Variants in ARL14EPL observed in about 807,000 individuals in gnomAD.
ARL14EPL encodes ARL14 effector protein-like.
In ARL14EPL, 17 loss-of-function variants were observed where a neutral mutation model predicts 15.9. The ratio of observed to expected loss-of-function variants is 1.07; its 90% confidence interval spans 0.73 to 1.60. The LOEUF is 1.60. Ranked by LOEUF, ARL14EPL falls within the 40% of genes most tolerant of loss-of-function variation. ARL14EPL has a pLI of 0.00. For missense variants in ARL14EPL, 214 were observed against 185.9 expected, an observed-to-expected ratio of 1.15 and a Z score of -0.88; for synonymous variants, 78 against 63.8, an observed-to-expected ratio of 1.22 and a Z score of -1.06.
chr5:116,053,460 G>C (rs1239779790), intron 2 of ARL14EPL, among the ~76,000 whole-genome samples: 1 of 152,016 alleles, frequency 6.6e-6, no homozygotes, highest in East Asian at 1.9e-4. Context: ...GTTCCAATCT[G>C]GCTTTGACTG....
At chr5:116,057,438 A>C (rs1001611996) in intron 3 of ARL14EPL, among the ~76,000 whole-genome samples, 1 of 148,680 alleles carries the variant, frequency 6.7e-6, no homozygotes. Context: ...AAAAGCATCA[A>C]ATGGGCCGGA....
intron 3 of ARL14EPL, among the ~76,000 whole-genome samples, chr5:116,056,357 G>T (rs920934020): frequency 4.7e-4 from 71 of 152,250 alleles, no homozygotes; most frequent in African/African-American, 1.5e-3. Context: ...GTGTGAGATG[G>T]TATCTCATTG....
intron 1 of ARL14EPL, among the ~76,000 whole-genome samples, chr5:116,039,141 A>T (rs184252200): frequency 2.0e-5 from 3 of 152,152 alleles, no homozygotes; most frequent in Non-Finnish European, 4.4e-5. Context: ...CCCAGGAGGG[A>T]GTGTAAGCCT....
At chr5:116,039,029 T>C (rs890090713) in intron 1 of ARL14EPL, among the ~76,000 whole-genome samples, 1 of 152,138 alleles carries the variant, frequency 6.6e-6, no homozygotes, top group East Asian at 1.9e-4. Flanking sequence ...CCGCCCTTGC[T>C]GTCTGGTAGC....
intron 1 of ARL14EPL, among the ~76,000 whole-genome samples, chr5:116,039,778 G>A (rs1749115047): frequency 6.6e-6 from 1 of 152,082 alleles, no homozygotes; most frequent in Non-Finnish European, 1.5e-5. Context: ...GAATACATTA[G>A]ATAATTACAG....
chr5:116,052,498 G>A (rs186603222), intron 2 of ARL14EPL, among the ~76,000 whole-genome samples: 2 of 152,306 alleles, frequency 1.3e-5, no homozygotes, highest in East Asian at 3.9e-4. Flanking sequence ...TAGAGATGTA[G>A]CAATTTGCTC....
At chr5:116,035,620 G>C (rs574938802) in intron 1 of ARL14EPL, among the ~76,000 whole-genome samples, 5 of 152,198 alleles carry the variant, frequency 3.3e-5, no homozygotes, top group Non-Finnish European at 5.9e-5. Context: ...AACAAGGGAG[G>C]AGGTGGATTT....
At chr5:116,044,156 A>G (rs542503029) in intron 1 of ARL14EPL, among the ~76,000 whole-genome samples, 1 of 152,280 alleles carries the variant, frequency 6.6e-6, no homozygotes, top group South Asian at 2.1e-4. Flanking sequence ...TCATTGCCAG[A>G]TGGGTTGCAA....
intron 1 of ARL14EPL, among the ~76,000 whole-genome samples, chr5:116,045,277 T>C (rs1384442350): frequency 1.3e-5 from 2 of 152,124 alleles, no homozygotes; most frequent in Non-Finnish European, 2.9e-5. Context: ...GAAGAAAGAA[T>C]CTCCACACTT....
intron 2 of ARL14EPL, chr5:116,051,932 G>A (rs1749390595): frequency 1.2e-6 from 2 of 1,603,050 alleles, no homozygotes. Flanking sequence ...ACCAGCAGCT[G>A]GAGCATCTCC....
chr5:116,056,051 T>C (rs1749508902), intron 3 of ARL14EPL, among the ~76,000 whole-genome samples: 1 of 152,218 alleles, frequency 6.6e-6, no homozygotes, highest in Non-Finnish European at 1.5e-5. Context: ...CTATCATTGT[T>C]GGACATTTCG....
intron 1 of ARL14EPL, among the ~76,000 whole-genome samples, chr5:116,048,731 T>C (rs1749318460): frequency 6.6e-6 from 1 of 151,930 alleles, no homozygotes; most frequent in South Asian, 2.1e-4. Flanking sequence ...TTGGTCCAAG[T>C]GTGGGTATGA....
intron 1 of ARL14EPL, among the ~76,000 whole-genome samples, chr5:116,042,819 A>G (rs1749188084): frequency 6.6e-6 from 1 of 152,224 alleles, no homozygotes; most frequent in East Asian, 1.9e-4. Context: ...TGGCTGCAGT[A>G]AGAATTTTCT....
intron 1 of ARL14EPL, among the ~76,000 whole-genome samples, chr5:116,034,088 A>G (rs2112663607): frequency 6.6e-6 from 1 of 152,338 alleles, no homozygotes; most frequent in South Asian, 2.1e-4. Flanking sequence ...TCACAGATAC[A>G]CATCAGAGGA....
chr5:116,049,239 G>T (rs576613904), intron 1 of ARL14EPL, among the ~76,000 whole-genome samples: 1 of 152,232 alleles, frequency 6.6e-6, no homozygotes, highest in Admixed American at 6.5e-5. Flanking sequence ...TAATGATAAG[G>T]TTCATCAGAG....
intron 1 of ARL14EPL, among the ~76,000 whole-genome samples, chr5:116,044,805 A>G (rs1749233011): frequency 6.6e-6 from 1 of 152,152 alleles, no homozygotes; most frequent in Non-Finnish European, 1.5e-5. Flanking sequence ...ATTATACAGC[A>G]TTAAACTGTA....
chr5:116,040,569 C>G lies in ARL14EPL; in HGVS notation c.-10+8064C>G, dbSNP rs185948633. ...AGTCAAAGTAGTAACACAATATTAG[C>G]ATATAGTTGTGTTAAAAGTAATAGT... On this transcript the variant is annotated intron_variant, in intron 1 of 3. Coordinates refer to ENST00000686077, the MANE Select transcript of ARL14EPL (RefSeq NM_001195581.2). Among the ~76,000 whole-genome samples, 410 of 151,056 alleles carry G rather than the reference C, an allele frequency of 2.7e-3. 1 individual carries two copies. Among genetic ancestry groups the G allele is most frequent in the African/African-American group, 9.5e-3 (391 of 41,314 alleles).
chr5:116,047,573 A>C (rs1749296953), intron 1 of ARL14EPL, among the ~76,000 whole-genome samples: 2 of 152,258 alleles, frequency 1.3e-5, no homozygotes, highest in East Asian at 3.9e-4. Flanking sequence ...GATTGGCCAG[A>C]GAATGTATGA....
chr5:116,040,740 A>G (rs577132291), intron 1 of ARL14EPL, among the ~76,000 whole-genome samples: 98 of 151,318 alleles, frequency 6.5e-4, no homozygotes, highest in South Asian at 5.4e-3. Context: ...TTGGGAGGCC[A>G]AGGTGGGCGG....
Sources: gnomAD v4.1 joint callset for allele counts (sites outside exome capture counted in the v4.1 genomes callset) on GRCh38, gnomAD v4.1.1 for gene constraint, MANE v1.5 for transcripts, NCBI Gene and HGNC (gene_info 2026-07-23, HGNC 2026-07-21) for gene names.